Variants in RNLS observed in about 807,000 individuals in gnomAD.
RNLS encodes the protein renalase.
A neutral mutation model predicts 39.8 loss-of-function variants in RNLS; 39 were observed. The ratio of observed to expected loss-of-function variants is 0.98; its 90% confidence interval spans 0.76 to 1.28. The LOEUF (loss-of-function observed/expected upper bound fraction) is 1.28. Among genes scored for constraint, RNLS ranks in the 50% most tolerant of loss-of-function variants. The probability of loss-of-function intolerance (pLI) is 0.00; values close to 1 mark genes in which losing one functional copy is unlikely to be tolerated. For synonymous variants in RNLS, 147 were observed against 150.7 expected (o/e 0.98, Z 0.18); for missense variants, 410 against 413.3 (o/e 0.99, Z 0.07).
intron 4 of RNLS, among the ~76,000 whole-genome samples, chr10:88,395,064 G>T (rs1050185231): frequency 5.9e-5 from 9 of 151,806 alleles, no homozygotes; most frequent in African/African-American, 1.9e-4. Flanking sequence ...GACGGGAGAG[G>T]GATAGCATTA....
intron 4 of RNLS, among the ~76,000 whole-genome samples, chr10:88,383,066 C>G (rs555122704): frequency 6.6e-6 from 1 of 152,076 alleles, no homozygotes; most frequent in Non-Finnish European, 1.5e-5. Context: ...ATCTTTAAAT[C>G]TATCATGTGT....
At chr10:88,411,404 G>GTTAT (rs1853646782) in intron 4 of RNLS, among the ~76,000 whole-genome samples, 1 of 152,016 alleles carries the variant, frequency 6.6e-6, no homozygotes, top group South Asian at 2.1e-4. Context: ...ACACATGTTT[G>GTTAT]TTATTAGGCA....
chr10:88,304,224 A>T (rs926541493), intron 6 of RNLS, among the ~76,000 whole-genome samples: 15 of 152,240 alleles, frequency 9.9e-5, no homozygotes, highest in African/African-American at 3.6e-4. Context: ...GATTGAAGAT[A>T]GATAAGCTCA....
chr10:88,325,534 C>T (rs1037138723), intron 5 of RNLS, among the ~76,000 whole-genome samples: 4 of 152,120 alleles, frequency 2.6e-5, no homozygotes, highest in South Asian at 2.1e-4. Flanking sequence ...CAGAAGTTGC[C>T]GACTCTCCAA....
chr10:88,488,724 C>A (rs141955704), intron 4 of RNLS, among the ~76,000 whole-genome samples: 1 of 151,748 alleles, frequency 6.6e-6, no homozygotes, highest in African/African-American at 2.4e-5. Context: ...TGCCAGAAGC[C>A]AAATTTTCCG....
chr10:88,479,997 T>C (rs1844062669), intron 4 of RNLS, among the ~76,000 whole-genome samples: 1 of 152,180 alleles, frequency 6.6e-6, no homozygotes, highest in Non-Finnish European at 1.5e-5. Context: ...GCCTATTAGT[T>C]TGAGCTCTTT....
At chr10:88,173,111 G>A in the RNLS span, among the ~76,000 whole-genome samples, 1 of 151,952 alleles carries the variant, frequency 6.6e-6, no homozygotes, top group African/African-American at 2.4e-5. Context: ...ACCCACCTCA[G>A]CCTCCCAAAG....
intron 4 of RNLS, among the ~76,000 whole-genome samples, chr10:88,438,767 GTTGCT>G (rs1841552407): frequency 6.6e-6 from 1 of 152,174 alleles, no homozygotes; most frequent in South Asian, 2.1e-4. Flanking sequence ...GGAAACTTTG[GTTGCT>G]CCTCTTGGCT....
At chr10:88,276,728 C>T (rs1842826476) in intron 6 of RNLS, among the ~76,000 whole-genome samples, 1 of 152,118 alleles carries the variant, frequency 6.6e-6, no homozygotes, top group Non-Finnish European at 1.5e-5. Flanking sequence ...TACCTTCTTG[C>T]TCAAACTTGT....
At chr10:88,220,680 C>T in the RNLS span, among the ~76,000 whole-genome samples, 1 of 152,196 alleles carries the variant, frequency 6.6e-6, no homozygotes, top group Non-Finnish European at 1.5e-5. Context: ...GGGACCAGAA[C>T]TCAGGGCTTC....
the RNLS span, among the ~76,000 whole-genome samples, chr10:88,206,620 C>T: frequency 6.6e-6 from 1 of 152,156 alleles, no homozygotes; most frequent in Non-Finnish European, 1.5e-5. Flanking sequence ...CAAACCCCCT[C>T]TTCTCTACAA....
chr10:88,233,525 G>A, the RNLS span, among the ~76,000 whole-genome samples: 1 of 152,180 alleles, frequency 6.6e-6, no homozygotes, highest in South Asian at 2.1e-4. Flanking sequence ...CAAAATAAAA[G>A]ATGACCAGTT....
intron 4 of RNLS, among the ~76,000 whole-genome samples, chr10:88,386,089 G>A (rs1296899241): frequency 1.3e-5 from 2 of 152,212 alleles, no homozygotes; most frequent in East Asian, 3.9e-4. Flanking sequence ...TTTTAGAGCC[G>A]TTACCATGTT....
chr10:88,258,315 A>C, the RNLS span, among the ~76,000 whole-genome samples: 1 of 152,170 alleles, frequency 6.6e-6, no homozygotes, highest in Non-Finnish European at 1.5e-5. Context: ...ACTAAAGATA[A>C]ATGTTCAGAA....
At chr10:88,324,655 C>A (rs192106883) in intron 5 of RNLS, among the ~76,000 whole-genome samples, 1 of 152,072 alleles carries the variant, frequency 6.6e-6, no homozygotes, top group Non-Finnish European at 1.5e-5. Context: ...GAAGCCCAAA[C>A]GCCAGCATTA....
intron 4 of RNLS, among the ~76,000 whole-genome samples, chr10:88,549,271 A>C (rs930446005): frequency 8.3e-5 from 5 of 60,602 alleles, no homozygotes; most frequent in Non-Finnish European, 1.1e-4. Context: ...AACTAAAAAA[A>C]AAATATTTTA....
chr10:88,544,851 C>T (rs1848220124), intron 4 of RNLS, among the ~76,000 whole-genome samples: 2 of 152,016 alleles, frequency 1.3e-5, no homozygotes, highest in African/African-American at 4.8e-5. Context: ...TTTCATATAG[C>T]AGATAAAGGT....
intron 5 of RNLS, among the ~76,000 whole-genome samples, chr10:88,332,987 T>C (rs1847220158): frequency 6.6e-6 from 1 of 152,192 alleles, no homozygotes; most frequent in South Asian, 2.1e-4. Flanking sequence ...TTTTGAGGAA[T>C]ATCAATTGAG....
the RNLS span, among the ~76,000 whole-genome samples, chr10:88,198,251 T>C: frequency 3.3e-3 from 504 of 152,308 alleles, 2 homozygotes; most frequent in African/African-American, 9.6e-3. Context: ...TGTAGAGACC[T>C]GATGCCAAGA....
Sources: gnomAD v4.1 joint callset for allele counts (sites outside exome capture counted in the v4.1 genomes callset) on GRCh38, gnomAD v4.1.1 for gene constraint, MANE v1.5 for transcripts, NCBI Gene and HGNC (gene_info 2026-07-23, HGNC 2026-07-21) for gene names.